The following TMEM178B variants were observed in gnomAD, a reference collection of about 807,000 sequenced individuals.
TMEM178B encodes transmembrane protein 178B.
In TMEM178B, 5 loss-of-function variants were observed where a neutral mutation model predicts 31.0. That is an observed-to-expected ratio of 0.16 (90% CI 0.08 to 0.34). TMEM178B has a LOEUF of 0.34. TMEM178B is among the 10% of genes least tolerant of loss of function. The pLI, the probability that TMEM178B is intolerant of heterozygous loss-of-function variation, is 1.00. For synonymous variants in TMEM178B, 164 were observed against 164.0 expected (o/e 1.00, Z 0.00); for missense variants, 275 against 400.3 (o/e 0.69, Z 2.67).
At chr7:141,432,266 C>T (rs1234539663) in intron 2 of TMEM178B, among the ~76,000 whole-genome samples, 5 of 150,962 alleles carry the variant, frequency 3.3e-5, no homozygotes, top group Admixed American at 3.3e-4. Flanking sequence ...GCAATTCTCC[C>T]TGCCTCAGCC....
intron 2 of TMEM178B, chr7:141,416,119 T>A (rs1801091499): frequency 6.5e-6 from 1 of 152,912 alleles, no homozygotes. Context: ...TCTTGCTGTG[T>A]GTTCTCTTGT....
chr7:141,190,084 G>T (rs1470243205), intron 1 of TMEM178B, among the ~76,000 whole-genome samples: 1 of 152,176 alleles, frequency 6.6e-6, no homozygotes, highest in Non-Finnish European at 1.5e-5. Flanking sequence ...AGCATAAAAG[G>T]ATAAACAGAT....
chr7:141,438,221 C>T (rs1039500995), intron 3 of TMEM178B, among the ~76,000 whole-genome samples: 4 of 152,086 alleles, frequency 2.6e-5, no homozygotes, highest in Non-Finnish European at 5.9e-5. Context: ...TCAAGTAAGG[C>T]GGGGGTGGGG....
intron 1 of TMEM178B, among the ~76,000 whole-genome samples, chr7:141,111,224 G>A (rs200093865): frequency 1.5e-4 from 23 of 152,336 alleles, no homozygotes; most frequent in Middle Eastern, 3.4e-3. Flanking sequence ...GCAAGAGAGC[G>A]TGTGCAGAGG....
chr7:141,433,769 A>AGTT (rs781764680), intron 2 of TMEM178B, among the ~76,000 whole-genome samples: 2 of 152,158 alleles, frequency 1.3e-5, no homozygotes, highest in Non-Finnish European at 2.9e-5. Flanking sequence ...CTACCTTATA[A>AGTT]GTTGTTGTTG....
At chr7:141,402,717 G>A (rs747738353) in intron 2 of TMEM178B, among the ~76,000 whole-genome samples, 18 of 152,210 alleles carry the variant, frequency 1.2e-4, no homozygotes, top group Non-Finnish European at 2.2e-4. Flanking sequence ...GCTAGTTTGG[G>A]TCTGTAATTA....
intron 2 of TMEM178B, among the ~76,000 whole-genome samples, chr7:141,256,988 G>A (rs1370873325): frequency 6.6e-6 from 1 of 152,288 alleles, no homozygotes; most frequent in East Asian, 1.9e-4. Flanking sequence ...GATATTGACA[G>A]TTGTGGTGCT....
At chr7:141,173,265 A>T (rs1796376004) in intron 1 of TMEM178B, 1 of 152,224 alleles carries the variant, frequency 6.6e-6, no homozygotes. Flanking sequence ...TGCAAGGTAG[A>T]CTGTAAGCTC....
At position 141,291,128 on chromosome 7, in the gene TMEM178B, G is replaced by A. The variant is rs217018; in HGVS notation, c.496+78424G>A. ...GCCTCCAGGAGATAGCAGGATTCTCGATAGTGCTGCTGTTGCTGGATTCGG... is the reference window on the plus strand; with the variant it reads ...GCCTCCAGGAGATAGCAGGATTCTCAATAGTGCTGCTGTTGCTGGATTCGG... On this transcript the variant is annotated intron_variant, in intron 2 of 3. Transcript: ENST00000565468. Among the ~76,000 whole-genome samples the A allele has an allele frequency of 4.8e-3, 736 of 152,282 alleles. 3 individuals carry two copies. Among genetic ancestry groups the A allele is most frequent in the Non-Finnish European group, 8.7e-3 (593 of 68,030 alleles).
intron 1 of TMEM178B, among the ~76,000 whole-genome samples, chr7:141,096,012 T>A (rs1365288131): frequency 1.3e-5 from 2 of 152,202 alleles, no homozygotes; most frequent in Non-Finnish European, 2.9e-5. Context: ...ACCAACCATA[T>A]CCTACAAGGC....
At chr7:141,224,354 A>G (rs188380931) in intron 2 of TMEM178B, among the ~76,000 whole-genome samples, 2 of 152,372 alleles carry the variant, frequency 1.3e-5, no homozygotes, top group African/African-American at 4.8e-5. Context: ...CCAAACAAGC[A>G]GTGCTTGTAT....
intron 2 of TMEM178B, among the ~76,000 whole-genome samples, chr7:141,330,508 C>T (rs1223936766): frequency 6.6e-6 from 1 of 152,100 alleles, no homozygotes; most frequent in Non-Finnish European, 1.5e-5. Flanking sequence ...AGCATATTTT[C>T]TTTATCCAGT....
At chr7:141,434,476 T>A (rs28702620) in intron 2 of TMEM178B, among the ~76,000 whole-genome samples, 43,755 of 152,150 alleles carry the variant, frequency 0.29, 6,537 homozygotes, top group South Asian at 0.41. Flanking sequence ...TGACCGTTTA[T>A]ACCTCCTGTT....
intron 2 of TMEM178B, among the ~76,000 whole-genome samples, chr7:141,334,925 T>G (rs1179322088): frequency 3.9e-5 from 6 of 152,226 alleles, no homozygotes; most frequent in Admixed American, 3.9e-4. Flanking sequence ...TGGAAAACGG[T>G]TCTCAATCCA....
intron 1 of TMEM178B, among the ~76,000 whole-genome samples, chr7:141,077,067 A>G (rs1447619795): frequency 1.3e-5 from 2 of 152,240 alleles, no homozygotes; most frequent in Non-Finnish European, 2.9e-5. Context: ...TATTAGTAGA[A>G]TTCACAAGCA....
chr7:141,303,378 A>G (rs1395484555), intron 2 of TMEM178B, among the ~76,000 whole-genome samples: 1 of 152,140 alleles, frequency 6.6e-6, no homozygotes, highest in Non-Finnish European at 1.5e-5. Flanking sequence ...AAACAATTAT[A>G]CTCCAATTAA....
At chr7:141,501,012 A>C in the TMEM178B span, among the ~76,000 whole-genome samples, 4 of 152,332 alleles carry the variant, frequency 2.6e-5, 1 homozygote, top group African/African-American at 9.6e-5. Flanking sequence ...CCGTGTTGAA[A>C]ATAGAGGAAG....
At chr7:141,200,757 A>T (rs1433112864) in intron 1 of TMEM178B, among the ~76,000 whole-genome samples, 1 of 152,140 alleles carries the variant, frequency 6.6e-6, no homozygotes, top group Admixed American at 6.5e-5. Flanking sequence ...CCAAAAGAGG[A>T]ACGTACGGAG....
At chr7:141,220,721 T>G (rs1797244116) in intron 2 of TMEM178B, among the ~76,000 whole-genome samples, 2 of 152,216 alleles carry the variant, frequency 1.3e-5, no homozygotes, top group Admixed American at 1.3e-4. Flanking sequence ...AGGCATTCTC[T>G]CAGCTTCTGC....
Sources: gnomAD v4.1 joint callset for allele counts (sites outside exome capture counted in the v4.1 genomes callset) on GRCh38, gnomAD v4.1.1 for gene constraint, MANE v1.5 for transcripts, NCBI Gene and HGNC (gene_info 2026-07-23, HGNC 2026-07-21) for gene names.